The following GTF2IRD1 variants were observed in gnomAD, a reference collection of about 807,000 sequenced individuals.
The protein encoded by GTF2IRD1 is general transcription factor II-I repeat domain-containing protein 1.
Under a neutral mutation model 113.2 loss-of-function variants are expected in GTF2IRD1, and 26 were observed. That is an observed-to-expected ratio of 0.23 (90% confidence interval 0.17 to 0.32). GTF2IRD1 has a LOEUF of 0.32. Among genes scored for constraint, GTF2IRD1 ranks in the 10% least tolerant of loss-of-function variants. The pLI is 1.00. For synonymous variants in GTF2IRD1, 484 were observed against 529.1 expected (o/e 0.91, Z 1.17); for missense variants, 864 against 1,280.8 (o/e 0.67, Z 4.97).
chr7:74,565,646 C>A (rs1284006260), intron 22 of GTF2IRD1, among the ~76,000 whole-genome samples: 2 of 151,972 alleles, frequency 1.3e-5, no homozygotes, highest in African/African-American at 4.8e-5. Context: ...CTGTAATATT[C>A]CATCCGAAGA....
chr7:74,511,318 G>A (rs973354150), intron 2 of GTF2IRD1, among the ~76,000 whole-genome samples: 13 of 152,124 alleles, frequency 8.5e-5, no homozygotes, highest in African/African-American at 1.2e-4. Flanking sequence ...TTCGTCACCC[G>A]CCCCCAATCT....
At chr7:74,527,623 C>T (rs1797679071) in intron 8 of GTF2IRD1, among the ~76,000 whole-genome samples, 1 of 152,204 alleles carries the variant, frequency 6.6e-6, no homozygotes, top group Admixed American at 6.5e-5. Flanking sequence ...AGGCGGATCA[C>T]CTGAGGTCAG....
intron 22 of GTF2IRD1, among the ~76,000 whole-genome samples, chr7:74,576,669 G>A (rs587770656): frequency 2.1e-4 from 25 of 121,922 alleles, no homozygotes; most frequent in African/African-American, 7.6e-4. Flanking sequence ...TCTTCAGGCT[G>A]GAGTGCAGTG....
chr7:74,503,726 G>A (rs939815792), intron 1 of GTF2IRD1, among the ~76,000 whole-genome samples: 1 of 152,152 alleles, frequency 6.6e-6, no homozygotes, highest in Non-Finnish European at 1.5e-5. Flanking sequence ...TCCAATCTGG[G>A]GGACAGTGAG....
chr7:74,474,958 T>A (rs1008660162), intron 1 of GTF2IRD1, among the ~76,000 whole-genome samples: 18 of 151,254 alleles, frequency 1.2e-4, no homozygotes, highest in Non-Finnish European at 1.8e-4. Flanking sequence ...ACAAAAAAAA[T>A]AAAATAAAAT....
chr7:74,524,374 G>T (rs1554346761), intron 8 of GTF2IRD1, among the ~76,000 whole-genome samples: 3 of 152,138 alleles, frequency 2.0e-5, no homozygotes, highest in African/African-American at 7.2e-5. Flanking sequence ...GGAACTGATG[G>T]CAAAGCCCCA....
intron 1 of GTF2IRD1, among the ~76,000 whole-genome samples, chr7:74,468,430 C>T (rs1392175259): frequency 1.3e-5 from 2 of 151,248 alleles, no homozygotes; most frequent in African/African-American, 2.4e-5. Flanking sequence ...GAGGCTGAGA[C>T]GCGCAGATCA....
At chr7:74,494,758 T>C (rs1795561596) in intron 1 of GTF2IRD1, among the ~76,000 whole-genome samples, 1 of 151,560 alleles carries the variant, frequency 6.6e-6, no homozygotes, top group Non-Finnish European at 1.5e-5. Context: ...AACTTATTTA[T>C]TTATTTTTTA....
At chr7:74,543,132 G>C (rs782770847) in intron 14 of GTF2IRD1, among the ~76,000 whole-genome samples, 1 of 152,016 alleles carries the variant, frequency 6.6e-6, no homozygotes, top group Non-Finnish European at 1.5e-5. Context: ...GCGAAACTCC[G>C]TCTCCACTAA....
Position 74,512,702 on chromosome 7 carries a change from C to T in GTF2IRD1, c.124-128C>T, listed in dbSNP as rs1370724217. On this transcript the variant is annotated intron_variant, in intron 2 of 26. Transcript: ENST00000424337. The surrounding 1 kb of genome is among the most constrained non-coding windows in gnomAD (Gnocchi z 4.4). The stretch of plus-strand genomic sequence containing the variant: ...CTGAGACCAAGAACAGTAGAGGGGC[C>T]GTCTGTCCCTGGAGCTGCTGCTGGG... 11 of 777,920 alleles carry T rather than the reference C, an allele frequency of 1.4e-5. No individual in the cohort carries two copies. Among genetic ancestry groups the T allele is most frequent in the South Asian group, 3.5e-5 (2 of 56,340 alleles). 48.2% of individuals were successfully genotyped at this position (777,920 alleles called of 1,614,324 possible).
intron 1 of GTF2IRD1, among the ~76,000 whole-genome samples, chr7:74,496,355 T>G (rs576911452): frequency 1.4e-4 from 20 of 145,440 alleles, no homozygotes; most frequent in Admixed American, 9.7e-4. Context: ...CATGTGTGTG[T>G]GGGTGCATGT....
At chr7:74,587,994 C>T (rs111914893) in intron 22 of GTF2IRD1, among the ~76,000 whole-genome samples, 6,192 of 152,214 alleles carry the variant, frequency 0.041, 178 homozygotes, top group Middle Eastern at 0.099. Flanking sequence ...AGCACAGTGA[C>T]ACCGGCCCCT....
rs147470981 is a variant in GTF2IRD1 at position 74,587,871 on chromosome 7, C to T, written c.2321-1980C>T. Among the ~76,000 whole-genome samples, 31 of 152,220 alleles carry T rather than the reference C, an allele frequency of 2.0e-4. No homozygotes were observed. The East Asian group carries it at 5.2e-3, about 26-fold the overall frequency. On this transcript the variant is annotated intron_variant, in intron 22 of 26. Coordinates refer to ENST00000424337, the MANE Select transcript of GTF2IRD1 (RefSeq NM_005685.4). ...GGCTCAAGCAGCAGATAGGCCGTGA[C>T]GGTTACCTGGGCAGTGAGCAGGGAG...
chr7:74,466,004 C>G (rs1793683926), intron 1 of GTF2IRD1, among the ~76,000 whole-genome samples: 1 of 152,212 alleles, frequency 6.6e-6, no homozygotes, highest in Non-Finnish European at 1.5e-5. Context: ...CTCCTGGCCT[C>G]AAGTGATCCA....
At chr7:74,546,817 A>T (rs1444527962) in intron 16 of GTF2IRD1, among the ~76,000 whole-genome samples, 1 of 152,210 alleles carries the variant, frequency 6.6e-6, no homozygotes, top group African/African-American at 2.4e-5. Flanking sequence ...CTGCCTGGGC[A>T]TGAGGGCATG....
chr7:74,513,065 G>T (rs1471541098), intron 3 of GTF2IRD1, 94 bp downstream of exon 3: 2 of 1,268,546 alleles, frequency 1.6e-6, no homozygotes, highest in Non-Finnish European at 1.1e-6. Flanking sequence ...GTCTAGCCAG[G>T]GTGGCGGTGT....
chr7:74,560,437 A>T (rs1554358682), intron 22 of GTF2IRD1, among the ~76,000 whole-genome samples: 2 of 148,554 alleles, frequency 1.3e-5, no homozygotes, highest in East Asian at 1.9e-4. Flanking sequence ...GACCCTTTTT[A>T]AAAAAATATT....
Position 74,463,042 on chromosome 7 carries a change from C to T in GTF2IRD1, c.-7+8866C>T, listed in dbSNP as rs782268849. On this transcript the variant is annotated intron_variant, in intron 1 of 26. Coordinates refer to ENST00000424337, the MANE Select transcript of GTF2IRD1 (RefSeq NM_005685.4). The stretch of plus-strand genomic sequence containing the variant: ...TGGGAGTCTGGGGTTCCTGGTGGTG[C>T]GTCTCTGGTCTTCACTCCTGCAGCT... Among the ~76,000 whole-genome samples, 4 of 152,098 alleles carry T rather than the reference C, an allele frequency of 2.6e-5. No homozygotes were observed. The East Asian group carries it at 5.8e-4, about 22-fold the overall frequency.
chr7:74,489,365 C>T (rs1017621457), intron 1 of GTF2IRD1, among the ~76,000 whole-genome samples: 4 of 151,732 alleles, frequency 2.6e-5, no homozygotes, highest in Admixed American at 1.3e-4. Flanking sequence ...TTATTTGAGA[C>T]GGAGTCTTGC....
Sources: gnomAD v4.1 joint callset for allele counts (sites outside exome capture counted in the v4.1 genomes callset) on GRCh38, gnomAD v4.1.1 for gene constraint, Gnocchi (gnomAD v3.1) non-coding constraint, MANE v1.5 for transcripts, NCBI Gene and HGNC (gene_info 2026-07-23, HGNC 2026-07-21) for gene names.